Variants in INSC observed in about 807,000 individuals in gnomAD.
INSC encodes the protein protein inscuteable homolog.
Under a neutral mutation model 58.6 loss-of-function variants are expected in INSC, and 67 were observed. The observed-to-expected ratio is 1.14, with a 90% confidence interval of 0.94 to 1.40. The LOEUF (loss-of-function observed/expected upper bound fraction) is 1.40. Ranked by LOEUF, INSC falls within the 40% of genes most tolerant of loss-of-function variation. INSC has a pLI of 0.00. For missense variants in INSC, 714 were observed against 692.0 expected (o/e 1.03, Z -0.36); for synonymous variants, 262 against 276.1 (o/e 0.95, Z 0.51).
At chr11:15,259,776 G>A in the INSC span, among the ~76,000 whole-genome samples, 2 of 152,252 alleles carry the variant, frequency 1.3e-5, no homozygotes, top group South Asian at 4.1e-4. Context: ...ATTCAGGATA[G>A]GAATTCAGTT....
intron 1 of INSC, among the ~76,000 whole-genome samples, chr11:15,127,855 C>T (rs542419865): frequency 3.9e-5 from 6 of 152,128 alleles, no homozygotes; most frequent in East Asian, 1.9e-4. Flanking sequence ...ATTAACTGGG[C>T]GTGGAGGTGT....
intron 2 of INSC, among the ~76,000 whole-genome samples, chr11:15,173,000 T>C (rs1849451977): frequency 6.6e-6 from 1 of 152,190 alleles, no homozygotes; most frequent in Non-Finnish European, 1.5e-5. Flanking sequence ...ATGTGAAGCA[T>C]TGGGGTTTTT....
At position 15,193,806 on chromosome 11, in the gene INSC, C is replaced by A. The variant is rs1336848771; in HGVS notation, c.693+2992C>A. 2.0e-5 allele frequency among the ~76,000 whole-genome samples: 3 copies of A among 152,134 alleles called. No homozygotes were observed. The East Asian group carries it at 5.8e-4, about 29-fold the overall frequency. ...ATTTATAATCCTTTGGGTATATACC[C>A]AGTAATGGGATGGCTGGGTCAAATG... On this transcript the variant is annotated intron_variant, in intron 6 of 12. Coordinates refer to ENST00000379556, the MANE Select transcript of INSC (RefSeq NM_001042536.3).
chr11:15,126,674 T>C (rs868722694), intron 1 of INSC, among the ~76,000 whole-genome samples: 1 of 152,242 alleles, frequency 6.6e-6, no homozygotes, highest in Non-Finnish European at 1.5e-5. Context: ...GGAATTTCTA[T>C]GTTTTATTTA....
At chr11:15,206,765 G>A (rs559541909) in intron 7 of INSC, among the ~76,000 whole-genome samples, 1 of 152,276 alleles carries the variant, frequency 6.6e-6, no homozygotes, top group South Asian at 2.1e-4. Context: ...CTGTAAAATG[G>A]GACTCCCACC....
At chr11:15,176,943 C>T (rs1423442982) in intron 3 of INSC, among the ~76,000 whole-genome samples, 168 bp from the exon 4 acceptor site, 1 of 152,206 alleles carries the variant, frequency 6.6e-6, no homozygotes, top group East Asian at 1.9e-4. Context: ...AAGCAGCCTA[C>T]CGTGAGCTCT....
At chr11:15,145,361 A>G (rs772098443) in intron 1 of INSC, among the ~76,000 whole-genome samples, 10 of 152,148 alleles carry the variant, frequency 6.6e-5, no homozygotes, top group Admixed American at 1.3e-4. Flanking sequence ...TCTTTTTGCA[A>G]CACCAGTGAG....
chr11:15,245,830 A>G lies in INSC; in HGVS notation c.1471-82A>G, dbSNP rs916995639. 5 of 1,496,722 alleles carry G rather than the reference A, an allele frequency of 3.3e-6. No individual in the cohort carries two copies. The Admixed American group carries it at 6.0e-5, about 18-fold the overall frequency. 92.7% of individuals were successfully genotyped at this position (1,496,722 alleles called of 1,614,324 possible). On this transcript the variant is annotated intron_variant, in intron 12 of 12. Transcript: ENST00000379556. ...GTAAATGCACCACTTTCTGAAATGC[A>G]CATTTCAGGGTAGGTGAAGGAAATA...
chr11:15,170,151 A>G (rs1849346579), intron 2 of INSC, among the ~76,000 whole-genome samples: 1 of 152,138 alleles, frequency 6.6e-6, no homozygotes, highest in Non-Finnish European at 1.5e-5. Context: ...TGTGTGTGAC[A>G]TTTTTATTAT....
At chr11:15,172,925 G>A (rs1001990102) in intron 2 of INSC, among the ~76,000 whole-genome samples, 2 of 152,142 alleles carry the variant, frequency 1.3e-5, no homozygotes, top group Non-Finnish European at 1.5e-5. Context: ...GCAACTGAAG[G>A]ATTTAAGCAG....
intron 11 of INSC, 91 bp downstream of exon 11, chr11:15,239,165 G>A (rs186541196): frequency 6.8e-7 from 1 of 1,461,714 alleles, no homozygotes; most frequent in Non-Finnish European, 9.2e-7. Flanking sequence ...AGTGGACACA[G>A]GGCAAGAGCT....
chr11:15,147,900 G>A (rs190461791), intron 1 of INSC, among the ~76,000 whole-genome samples: 2 of 152,308 alleles, frequency 1.3e-5, no homozygotes, highest in East Asian at 3.9e-4. Context: ...TAGGGCTCCC[G>A]TGTAATCATG....
At chr11:15,244,936 G>A (rs573093925) in intron 12 of INSC, among the ~76,000 whole-genome samples, 18 of 152,308 alleles carry the variant, frequency 1.2e-4, no homozygotes, top group Non-Finnish European at 1.5e-4. Context: ...TAGGTGCACA[G>A]CTCACATTTA....
the INSC span, among the ~76,000 whole-genome samples, chr11:15,253,988 A>G: frequency 2.0e-5 from 3 of 152,244 alleles, no homozygotes; most frequent in African/African-American, 7.2e-5. Context: ...GCCTTTCCTC[A>G]GCTCAGTGGC....
chr11:15,188,390 G>A, intron 5 of INSC: 2 of 984,048 alleles, frequency 2.0e-6, no homozygotes, highest in Non-Finnish European at 2.4e-6. Flanking sequence ...AAAATGGGAT[G>A]TCAAATTCAG....
intron 7 of INSC, among the ~76,000 whole-genome samples, chr11:15,219,438 C>T (rs1249627461): frequency 6.6e-6 from 1 of 152,186 alleles, no homozygotes; most frequent in Non-Finnish European, 1.5e-5. Flanking sequence ...GCAGTGGACA[C>T]TGTTCCCAGC....
chr11:15,264,188 C>T, the INSC span, among the ~76,000 whole-genome samples: 484 of 95,848 alleles, frequency 5.0e-3, no homozygotes, highest in Middle Eastern at 0.025. Flanking sequence ...TGGCTGTCAG[C>T]GGGGGATAGC....
chr11:15,221,396 A>C (rs1175856312), intron 7 of INSC, 81 bp from the exon 8 acceptor site: 2 of 1,481,106 alleles, frequency 1.4e-6, no homozygotes, highest in African/African-American at 1.4e-5. Flanking sequence ...GTGGGGGCTG[A>C]ATCTGTATCT....
At chr11:15,165,154 A>G (rs908305556) in intron 2 of INSC, among the ~76,000 whole-genome samples, 2 of 152,076 alleles carry the variant, frequency 1.3e-5, no homozygotes, top group African/African-American at 4.8e-5. Flanking sequence ...AATATCATCC[A>G]TGGGGTAGGG....
Sources: gnomAD v4.1 joint callset for allele counts (sites outside exome capture counted in the v4.1 genomes callset) on GRCh38, gnomAD v4.1.1 for gene constraint, MANE v1.5 for transcripts, NCBI Gene and HGNC (gene_info 2026-07-23, HGNC 2026-07-21) for gene names.